Variants in TBC1D4 observed in about 807,000 individuals in gnomAD.
TBC1D4 encodes TBC (Tre-2, BUB2, CDC16) domain-containing protein.
Under a neutral mutation model 142.5 loss-of-function variants are expected in TBC1D4, and 121 were observed. The observed-to-expected ratio is 0.85, with a 90% CI of 0.73 to 0.99. TBC1D4 has a LOEUF of 0.99. Ranked by LOEUF, TBC1D4 falls within the 50% of genes least tolerant of loss-of-function variation. The probability of loss-of-function intolerance (pLI) is 0.00; values close to 1 mark genes in which losing one functional copy is unlikely to be tolerated. For missense variants in TBC1D4, 1,475 were observed against 1,606.6 expected, an observed-to-expected ratio of 0.92 and a Z score of 1.40; for synonymous variants, 630 against 628.2, an observed-to-expected ratio of 1.00 and a Z score of -0.04.
rs551839128 is a variant in TBC1D4 at position 75,404,143 on chromosome 13, T to A, written c.499-41536A>T. ...ATCAAAGCATATTCATTCTGAGAAA[T>A]AGTGAACAATCACTAGATTTTTTAA... On this transcript the variant is annotated intron_variant, in intron 1 of 20. Transcript: ENST00000377636. 1.6e-4 allele frequency among the ~76,000 whole-genome samples: 25 copies of A among 151,926 alleles called. No homozygotes were observed. In the East Asian group the frequency reaches 4.8e-3, roughly 29 times the overall value.
chr13:75,481,200 G>GGGCC, intron 1 of TBC1D4, 70 bp downstream of exon 1: 2 of 633,010 alleles, frequency 3.2e-6, no homozygotes, highest in Non-Finnish European at 5.3e-6. Context: ...TGGGGTCCCC[G>GGGCC]CCCCTCCCGC....
At chr13:75,460,105 T>C (rs952395837) in intron 1 of TBC1D4, among the ~76,000 whole-genome samples, 1 of 152,032 alleles carries the variant, frequency 6.6e-6, no homozygotes, top group Non-Finnish European at 1.5e-5. Flanking sequence ...ATCGCGCCAC[T>C]GCACTGCAGC....
At chr13:75,384,855 T>A (rs907473300) in intron 1 of TBC1D4, among the ~76,000 whole-genome samples, 1 of 145,388 alleles carries the variant, frequency 6.9e-6, no homozygotes, top group Admixed American at 7.1e-5. Context: ...GAAACCTCTA[T>A]GCCTTTATTA....
Position 75,362,659 on chromosome 13 carries a change from T to C in TBC1D4, c.499-52A>G. ...TCTAGTTGAAAGTTTTGAGACAATTTACATTTACCTAGCCCAATTATTACC... is the reference window on the plus strand; with the variant it reads ...TCTAGTTGAAAGTTTTGAGACAATTCACATTTACCTAGCCCAATTATTACC... On this transcript the variant is annotated intron_variant, in intron 1 of 20. Transcript: ENST00000377636. This position sits in a 1 kb window ranked among gnomAD's most constrained non-coding sequence, Gnocchi z 4.2. 1 of 1,588,432 alleles carries C rather than the reference T, an allele frequency of 6.3e-7. No individual in the cohort carries two copies. Among genetic ancestry groups the C allele is most frequent in the Non-Finnish European group, 8.6e-7 (1 of 1,161,180 alleles).
Position 75,362,025 on chromosome 13 carries a change from C to T in TBC1D4, c.1080+1G>A. ...GGCAGACAGCGTCCGATCAGGTGTA[C>T]CTGGAAGAGCATGGTCCTGTTCTTC... is the stretch of plus-strand genomic sequence containing the variant. On this transcript the variant is annotated splice_donor_variant, in intron 2 of 20. Coordinates refer to ENST00000377636, the MANE Select transcript of TBC1D4 (RefSeq NM_014832.5). LOFTEE classifies it high-confidence loss of function. The surrounding 1 kb of genome is among the most constrained non-coding windows in gnomAD (Gnocchi z 4.2). The T allele has an allele frequency of 1.9e-6, 3 of 1,614,134 alleles. No homozygotes were observed. Among genetic ancestry groups the T allele is most frequent in the Non-Finnish European group, 2.5e-6 (3 of 1,180,024 alleles).
chr13:75,460,720 A>G (rs1392421916), intron 1 of TBC1D4, among the ~76,000 whole-genome samples: 1 of 152,142 alleles, frequency 6.6e-6, no homozygotes, highest in Non-Finnish European at 1.5e-5. Context: ...CAAGAGTTCA[A>G]CACTGGCCTG....
intron 1 of TBC1D4, among the ~76,000 whole-genome samples, chr13:75,440,234 T>C (rs1321333936): frequency 6.6e-6 from 1 of 150,910 alleles, no homozygotes; most frequent in African/African-American, 2.4e-5. Context: ...CAACTAGGGG[T>C]GGATTGTATA....
chr13:75,391,195 TACACACAC>T (rs111629817), intron 1 of TBC1D4, among the ~76,000 whole-genome samples: 10 of 141,932 alleles, frequency 7.0e-5, no homozygotes, highest in African/African-American at 1.3e-4. Context: ...CCCATCAGTT[TACACACAC>T]ACACACACAC....
intron 6 of TBC1D4, 50 bp from the exon 7 acceptor site, chr13:75,341,285 CT>C: frequency 2.0e-6 from 3 of 1,530,498 alleles, no homozygotes; most frequent in Non-Finnish European, 2.7e-6. Context: ...CACTTCCCTC[CT>C]TTTATTCTGT....
At chr13:75,326,110 T>C (rs1456061144) in intron 10 of TBC1D4, 87 bp downstream of exon 10, 1 of 1,475,886 alleles carries the variant, frequency 6.8e-7, no homozygotes, top group East Asian at 2.3e-5. Flanking sequence ...GGCTACAGCA[T>C]AAATTCACAA....
At chr13:75,435,371 T>C (rs1886759031) in intron 1 of TBC1D4, among the ~76,000 whole-genome samples, 1 of 151,406 alleles carries the variant, frequency 6.6e-6, no homozygotes, top group Non-Finnish European at 1.5e-5. Flanking sequence ...AAAAAAACTT[T>C]GATATAAGTG....
intron 1 of TBC1D4, among the ~76,000 whole-genome samples, chr13:75,457,707 G>A (rs1593907663): frequency 6.6e-6 from 1 of 152,312 alleles, no homozygotes; most frequent in East Asian, 1.9e-4. Context: ...TACCTAGGAT[G>A]CTTATGAACA....
chr13:75,383,954 C>T (rs1223543369), intron 1 of TBC1D4, among the ~76,000 whole-genome samples: 1 of 152,106 alleles, frequency 6.6e-6, no homozygotes, highest in East Asian at 1.9e-4. Context: ...TGCTCTCCAG[C>T]TCTTAAACCA....
chr13:75,315,425 C>G (rs60342481), intron 12 of TBC1D4, among the ~76,000 whole-genome samples: 1 of 18,262 alleles, frequency 5.5e-5, no homozygotes, highest in African/African-American at 7.1e-5. Context: ...TATACACACA[C>G]ATATATATAT....
intron 1 of TBC1D4, among the ~76,000 whole-genome samples, chr13:75,447,100 C>T (rs1705332716): frequency 6.6e-6 from 1 of 152,052 alleles, no homozygotes. Context: ...AACTGTTGCA[C>T]GTGGTTACAG....
At chr13:75,437,612 T>C (rs80198747) in intron 1 of TBC1D4, among the ~76,000 whole-genome samples, 19 of 149,220 alleles carry the variant, frequency 1.3e-4, no homozygotes, top group Non-Finnish European at 2.2e-4. Flanking sequence ...TTTTTTTTTT[T>C]AGAGAATGGA....
At chr13:75,437,729 C>T (rs1566490133) in intron 1 of TBC1D4, among the ~76,000 whole-genome samples, 2 of 151,960 alleles carry the variant, frequency 1.3e-5, no homozygotes, top group African/African-American at 2.4e-5. Context: ...AGTGGATAAC[C>T]GACTCTCAGA....
chr13:75,306,884 C>T (rs943968081), intron 14 of TBC1D4, among the ~76,000 whole-genome samples: 1 of 152,192 alleles, frequency 6.6e-6, no homozygotes, highest in African/African-American at 2.4e-5. Flanking sequence ...ATTTTTATAA[C>T]TGTTTCCAGA....
chr13:75,295,001 G>A lies in TBC1D4; in HGVS notation c.3169C>T (p.Gln1057Ter). 3 of 1,612,866 alleles carry A rather than the reference G, an allele frequency of 1.9e-6. No individual in the cohort carries two copies. The highest frequency in any genetic ancestry group is 1.1e-5 in the South Asian group (1 of 90,848). Residue 1057 changes from glutamine to a stop codon, truncating the protein, a stop_gained, in exon 18 of 21, where the codon CAG becomes TAG. Transcript: ENST00000377636. LOFTEE classifies it high-confidence loss of function. ...DMMSLQIQMY[Q>*]LSRLLHDYHR... is the part of the protein sequence containing the mutation. ...TAGTCATGAAGGAGCCTGGACAGCT[G>A]GTACATTTGAATCTAAAGTTAATTT...
Sources: allele counts gnomAD v4.1 joint callset (sites outside exome capture counted in the v4.1 genomes callset), GRCh38; gene constraint gnomAD v4.1.1; non-coding constraint Gnocchi (gnomAD v3.1); transcripts MANE v1.5; gene names NCBI Gene and HGNC (gene_info 2026-07-23, HGNC 2026-07-21).